Variants in F5 observed in about 807,000 individuals in gnomAD.
The protein encoded by F5 is activated protein c cofactor.
F5 carries 138 observed loss-of-function variants against 216.4 expected under a neutral mutation model. The observed-to-expected ratio is 0.64, with a 90% confidence interval of 0.56 to 0.73. F5 has a LOEUF of 0.73. F5 is among the 30% of genes least tolerant of loss of function. The pLI, the probability that F5 is intolerant of heterozygous loss-of-function variation, is 0.00. For synonymous variants in F5, 916 were observed against 930.7 expected, an observed-to-expected ratio of 0.98 and a Z score of 0.29; for missense variants, 2,403 against 2,674.0, an observed-to-expected ratio of 0.90 and a Z score of 2.24.
In F5 at chr1:169,577,601, A is replaced by G. The variant is rs1302721254; in HGVS notation, c.250+4830T>C. Among the ~76,000 whole-genome samples, 62 of 97,138 alleles carry G rather than the reference A, an allele frequency of 6.4e-4. 1 individual carries two copies. The highest frequency in any genetic ancestry group is 5.2e-3 in the Middle Eastern group (1 of 192). 63.7% of individuals were successfully genotyped at this position (97,138 alleles called of 152,430 possible). On this transcript the variant is annotated intron_variant, in intron 2 of 24. Coordinates refer to ENST00000367797, the MANE Select transcript of F5 (RefSeq NM_000130.5). ...TATATATATATATATATATATATATATATGTATGTATTTTTTTAAATAGAA... is the reference window on the plus strand; with the variant it reads ...TATATATATATATATATATATATATGTATGTATGTATTTTTTTAAATAGAA...
Position 169,556,801 on chromosome 1 carries a change from A to G in F5, c.797T>C (p.Leu266Ser). 1 of 1,614,100 alleles carries G rather than the reference A, an allele frequency of 6.2e-7. No individual in the cohort carries two copies. The highest frequency in any genetic ancestry group is 8.5e-7 in the Non-Finnish European group (1 of 1,180,004). Residue 266 changes from leucine (L) to serine (S), a missense_variant, in exon 6 of 25, where the codon TTA (leucine) becomes TCA (serine). Physicochemically the swap from Leu to Ser is moderately radical, Grantham distance 145. Transcript: ENST00000367797. Reference protein sequence around the residue: ...HLLGMSSGPELFSIHFNGQVL... With the variant: ...HLLGMSSGPESFSIHFNGQVL... ...CTGGCCGTTGAAATGAATGGAGAAT[A>G]ATTCTGGCCCCGAGCTCATTCCCAG...
intron 14 of F5, among the ~76,000 whole-genome samples, chr1:169,532,599 G>A (rs1398929413): frequency 4.0e-5 from 6 of 150,842 alleles, no homozygotes; most frequent in Admixed American, 6.7e-5. Flanking sequence ...AACTGAGAGC[G>A]AAATCAAGAA....
At chr1:169,548,523 A>T (rs993413785) in intron 10 of F5, among the ~76,000 whole-genome samples, 4 of 152,174 alleles carry the variant, frequency 2.6e-5, no homozygotes, top group Admixed American at 1.3e-4. Context: ...GTTAGAGCTA[A>T]AGGTAATATG....
chr1:169,545,873 C>T (rs1659986780), intron 11 of F5, among the ~76,000 whole-genome samples: 2 of 152,200 alleles, frequency 1.3e-5, no homozygotes, highest in African/African-American at 4.8e-5. Context: ...CATGGCAGTG[C>T]TTTTGGCCAC....
intron 23 of F5, 71 bp downstream of exon 23, chr1:169,518,341 G>A: frequency 1.3e-6 from 2 of 1,559,732 alleles, no homozygotes; most frequent in Non-Finnish European, 1.8e-6. Context: ...GATCCTCCAT[G>A]TTTGTGGTAG....
chr1:169,551,341 T>C (rs1308809528), intron 8 of F5, among the ~76,000 whole-genome samples: 1 of 152,176 alleles, frequency 6.6e-6, no homozygotes, highest in Non-Finnish European at 1.5e-5. Flanking sequence ...TCCCAGCTAC[T>C]TGAGAGGCTG....
At chr1:169,585,538 T>G (rs188330624) in intron 1 of F5, among the ~76,000 whole-genome samples, 55 of 152,306 alleles carry the variant, frequency 3.6e-4, no homozygotes, top group African/African-American at 1.2e-3. Flanking sequence ...GGATAGTATT[T>G]TATCTGAATT....
Position 169,555,169 on chromosome 1 carries a change from C to T in F5, c.1118+13G>A, listed in dbSNP as rs1441528201. 1 of 1,613,990 alleles carries T rather than the reference C, an allele frequency of 6.2e-7. No homozygotes were observed. The highest frequency in any genetic ancestry group is 8.5e-7 in the Non-Finnish European group (1 of 1,179,926). On this transcript the variant is annotated intron_variant, in intron 7 of 24. Transcript: ENST00000367797. ...TGAACCTTTGCCCAGTGGTATGAAC[C>T]CCAACAACTCACTTGTCCATATTCG...
intron 5 of F5, among the ~76,000 whole-genome samples, chr1:169,558,606 C>T (rs973090251): frequency 6.6e-6 from 1 of 152,112 alleles, no homozygotes; most frequent in South Asian, 2.1e-4. Context: ...GAGATGTGGT[C>T]TAAGTGGGAA....
intron 16 of F5, among the ~76,000 whole-genome samples, chr1:169,529,228 T>C (rs185340693): frequency 2.2e-4 from 34 of 152,330 alleles, no homozygotes; most frequent in African/African-American, 7.7e-4. Context: ...ACACAGGTGA[T>C]CATTTCTTTT....
chr1:169,513,168 G>A lies in F5; in HGVS notation c.*1145C>T, dbSNP rs1209316608. Reference sequence around the variant, plus strand: ...CGTTGATAAAATTTTATATATTTATGGTATACATAACATTTTGATATATGT... The same window carrying A: ...CGTTGATAAAATTTTATATATTTATAGTATACATAACATTTTGATATATGT... On this transcript the variant is annotated 3_prime_UTR_variant, in exon 25 of 25. Transcript: ENST00000367797. 6.6e-6 allele frequency among the ~76,000 whole-genome samples: 1 copy of A among 151,560 alleles called. No homozygotes were observed. Among genetic ancestry groups the A allele is most frequent in the East Asian group, 1.9e-4 (1 of 5,178 alleles).
At chr1:169,531,289 ATAGG>A (rs1415644159) in intron 14 of F5, among the ~76,000 whole-genome samples, 1 of 152,212 alleles carries the variant, frequency 6.6e-6, no homozygotes, top group Non-Finnish European at 1.5e-5. Context: ...AATGAGAGTG[ATAGG>A]TAGTGGAGAT....
At chr1:169,554,010 G>C (rs1280655086) in intron 7 of F5, among the ~76,000 whole-genome samples, 1 of 134,220 alleles carries the variant, frequency 7.5e-6, no homozygotes, top group Non-Finnish European at 1.7e-5. Context: ...AACACTCCTG[G>C]ATTCCTATCT....
rs746247537 is a variant in F5 at position 169,572,297 on chromosome 1, T to G, written c.297A>C (p.Lys99Asn). Residue 99 changes from lysine (K) to asparagine (N), a missense_variant, in exon 3 of 25, where the codon AAA (lysine) becomes AAC (asparagine). Physicochemically the swap from Lys to Asn is moderately conservative, Grantham distance 94 (BLOSUM62 0). This residue lies in a region of F5 where 1,425 missense variants were observed against 1,554.8 expected (regional missense o/e 0.92). Coordinates refer to ENST00000367797, the MANE Select transcript of F5 (RefSeq NM_000130.5). ...TLYAEVGDII[K>N]VHFKNKADKP... ...TATCTGCCTTATTTTTAAAGTGAAC[T>G]TTTATGATGTCTCCGACTTCAGCAT... 6.2e-7 allele frequency: 1 copy of G among 1,613,394 alleles called. No homozygotes were observed. The highest frequency in any genetic ancestry group is 8.5e-7 in the Non-Finnish European group (1 of 1,179,652).
chr1:169,529,538 C>A, intron 16 of F5, 70 bp downstream of exon 16: 1 of 1,386,256 alleles, frequency 7.2e-7, no homozygotes, highest in East Asian at 2.3e-5. Context: ...TTGTGAATAT[C>A]TAAGGGCAGA....
intron 9 of F5, among the ~76,000 whole-genome samples, chr1:169,550,297 C>CA (rs1415988988): frequency 4.4e-4 from 58 of 133,146 alleles, no homozygotes; most frequent in African/African-American, 1.5e-3. Flanking sequence ...CACCCCCCCC[C>CA]CCCGACAGGC....
At chr1:169,546,686 AACT>A in intron 10 of F5, 94 bp from the exon 11 acceptor site, 1 of 1,094,096 alleles carries the variant, frequency 9.1e-7, no homozygotes, top group East Asian at 2.4e-5. Context: ...GCGCACCTAC[AACT>A]ATCTGATCTG....
rs530037097 is a variant in F5, at chr1:169,577,235, C to G, written c.251-4892G>C. Reference sequence around the variant, plus strand: ...ACTGCAGAAGGTCAACTAATCCAATCCCCTGCTCTTAGGTGAACAATGCAT... The same window carrying G: ...ACTGCAGAAGGTCAACTAATCCAATGCCCTGCTCTTAGGTGAACAATGCAT... On this transcript the variant is annotated intron_variant, in intron 2 of 24. Transcript: ENST00000367797. Among the ~76,000 whole-genome samples the G allele has an allele frequency of 5.9e-5, 9 of 152,166 alleles. No individual in the cohort carries two copies. In the East Asian group the frequency reaches 1.7e-3, roughly 29 times the overall value.
At chr1:169,522,563 A>G (rs1377437431) in intron 21 of F5, among the ~76,000 whole-genome samples, 5 of 152,166 alleles carry the variant, frequency 3.3e-5, no homozygotes. Flanking sequence ...AAATAATTTT[A>G]TATAAAATAT....
Sources: allele counts gnomAD v4.1 joint callset (sites outside exome capture counted in the v4.1 genomes callset), GRCh38; gene constraint gnomAD v4.1.1; regional missense constraint gnomAD v4.1.1; transcripts MANE v1.5; gene names NCBI Gene and HGNC (gene_info 2026-07-23, HGNC 2026-07-21).